The following IMMP2L variants were observed in gnomAD, a reference collection of about 807,000 sequenced individuals.
IMMP2L encodes the protein inner mitochondrial membrane peptidase subunit 2.
A neutral mutation model predicts 19.3 loss-of-function variants in IMMP2L; 18 were observed. The observed-to-expected ratio is 0.93, with a 90% CI of 0.64 to 1.38. IMMP2L has a LOEUF of 1.38. Among genes scored for constraint, IMMP2L ranks in the 40% most tolerant of loss-of-function variants. The pLI, the probability that IMMP2L is intolerant of heterozygous loss-of-function variation, is 0.00. For missense variants in IMMP2L, 233 were observed against 218.2 expected (o/e 1.07, Z -0.43); for synonymous variants, 76 against 73.0 (o/e 1.04, Z -0.21).
rs544152539 is a variant in IMMP2L, at chr7:111,281,506, T to A, written c.239+205732A>T. On this transcript the variant is annotated intron_variant, in intron 3 of 5. Transcript: ENST00000405709. ...TGAAGTCTATACTTTATATACTTCATAATTTAACCTTTATTTTATCCAACA... is the reference window on the plus strand; with the variant it reads ...TGAAGTCTATACTTTATATACTTCAAAATTTAACCTTTATTTTATCCAACA... Among the ~76,000 whole-genome samples, 256 of 152,266 alleles carry A rather than the reference T, an allele frequency of 1.7e-3. 1 individual carries two copies. Among genetic ancestry groups the A allele is most frequent in the Non-Finnish European group, 3.2e-3 (220 of 68,020 alleles).
chr7:111,209,724 A>G (rs1238189316), intron 3 of IMMP2L, among the ~76,000 whole-genome samples: 3 of 152,206 alleles, frequency 2.0e-5, no homozygotes, highest in African/African-American at 7.2e-5. Context: ...AACACAGAAC[A>G]GTATTTGAAC....
chr7:111,523,767 T>A (rs903885419), intron 1 of IMMP2L, among the ~76,000 whole-genome samples: 3 of 152,114 alleles, frequency 2.0e-5, no homozygotes, highest in African/African-American at 7.2e-5. Context: ...AGTTCACACA[T>A]CTGGTACTCA....
chr7:111,201,835 G>T (rs1391533264), intron 3 of IMMP2L, among the ~76,000 whole-genome samples: 1 of 152,096 alleles, frequency 6.6e-6, no homozygotes, highest in East Asian at 1.9e-4. Context: ...GAGCTTGTTT[G>T]CCCCTTCCAT....
chr7:111,437,762 T>C (rs1837327321), intron 3 of IMMP2L, among the ~76,000 whole-genome samples: 1 of 151,878 alleles, frequency 6.6e-6, no homozygotes, highest in African/African-American at 2.4e-5. Flanking sequence ...TGTAAACTCC[T>C]TAAGAAATTT....
At chr7:111,201,836 C>T (rs1810172109) in intron 3 of IMMP2L, among the ~76,000 whole-genome samples, 1 of 152,144 alleles carries the variant, frequency 6.6e-6, no homozygotes, top group Non-Finnish European at 1.5e-5. Flanking sequence ...AGCTTGTTTG[C>T]CCCTTCCATC....
chr7:111,116,059 C>T (rs74958820), intron 3 of IMMP2L, among the ~76,000 whole-genome samples: 2 of 152,138 alleles, frequency 1.3e-5, no homozygotes, highest in Admixed American at 6.5e-5. Flanking sequence ...ATAAAACATC[C>T]AAGATTCTCT....
chr7:110,927,026 C>T (rs1814929470), intron 4 of IMMP2L, among the ~76,000 whole-genome samples: 1 of 152,118 alleles, frequency 6.6e-6, no homozygotes, highest in Admixed American at 6.6e-5. Context: ...TGCACAGAAA[C>T]TGATACAAGT....
At chr7:111,416,782 C>T (rs989742702) in intron 3 of IMMP2L, among the ~76,000 whole-genome samples, 1 of 151,490 alleles carries the variant, frequency 6.6e-6, no homozygotes, top group African/African-American at 2.4e-5. Flanking sequence ...GCTCAGTAGG[C>T]AATACATGAA....
chr7:110,864,714 C>A (rs1807810338), intron 5 of IMMP2L, among the ~76,000 whole-genome samples: 2 of 151,988 alleles, frequency 1.3e-5, no homozygotes, highest in Admixed American at 1.3e-4. Flanking sequence ...CTGTGTATTG[C>A]CATATGCTAG....
At chr7:110,788,104 G>A (rs1201239990) in intron 5 of IMMP2L, among the ~76,000 whole-genome samples, 1 of 151,486 alleles carries the variant, frequency 6.6e-6, no homozygotes, top group East Asian at 1.9e-4. Flanking sequence ...AAGTCTTCCA[G>A]CCTAAAAAAA....
intron 3 of IMMP2L, among the ~76,000 whole-genome samples, chr7:111,235,386 G>A (rs1044354952): frequency 2.6e-5 from 4 of 151,712 alleles, no homozygotes; most frequent in Non-Finnish European, 5.9e-5. Context: ...CAGGAGAATC[G>A]CTTGAACTTG....
intron 5 of IMMP2L, among the ~76,000 whole-genome samples, chr7:110,774,710 G>A (rs1799260312): frequency 6.6e-6 from 1 of 151,922 alleles, no homozygotes; most frequent in Non-Finnish European, 1.5e-5. Context: ...ATGCTATACA[G>A]GTTTGTGGCC....
chr7:110,819,892 C>T (rs888663907), intron 5 of IMMP2L, among the ~76,000 whole-genome samples: 2 of 152,004 alleles, frequency 1.3e-5, no homozygotes, highest in Admixed American at 6.6e-5. Context: ...ACTGACTATA[C>T]CTTTTTTCTT....
chr7:110,876,057 A>C (rs1809033243), intron 5 of IMMP2L, among the ~76,000 whole-genome samples: 1 of 152,202 alleles, frequency 6.6e-6, no homozygotes, highest in Non-Finnish European at 1.5e-5. Context: ...TTATGAAAAT[A>C]TTTTTAATTA....
At chr7:111,038,347 G>A (rs981596126) in intron 3 of IMMP2L, among the ~76,000 whole-genome samples, 1 of 152,166 alleles carries the variant, frequency 6.6e-6, no homozygotes, top group Admixed American at 6.5e-5. Flanking sequence ...TAAGCCCACA[G>A]CACTGCCTAC....
chr7:111,375,145 TACTC>T (rs938527760), intron 3 of IMMP2L, among the ~76,000 whole-genome samples: 1 of 152,088 alleles, frequency 6.6e-6, no homozygotes, highest in African/African-American at 2.4e-5. Flanking sequence ...AGACTAAAAG[TACTC>T]ACACACTGAT....
chr7:111,137,325 G>T (rs571647317), intron 3 of IMMP2L, among the ~76,000 whole-genome samples: 2 of 152,142 alleles, frequency 1.3e-5, no homozygotes, highest in East Asian at 3.9e-4. Flanking sequence ...TATAAAAATG[G>T]TATTTTCCAT....
chr7:110,818,570 TCTAGA>T (rs1443594868), intron 5 of IMMP2L, among the ~76,000 whole-genome samples: 44 of 152,192 alleles, frequency 2.9e-4, no homozygotes, highest in African/African-American at 1.0e-3. Context: ...TCCTCAGGGA[TCTAGA>T]ACTAGAAATA....
chr7:110,911,964 A>G (rs1377171373), intron 4 of IMMP2L, among the ~76,000 whole-genome samples: 1 of 152,112 alleles, frequency 6.6e-6, no homozygotes, highest in Admixed American at 6.6e-5. Flanking sequence ...AGGAGTTCCT[A>G]GAGGAAGAAA....
Sources: allele counts gnomAD v4.1 joint callset (sites outside exome capture counted in the v4.1 genomes callset), GRCh38; gene constraint gnomAD v4.1.1; transcripts MANE v1.5; gene names NCBI Gene and HGNC (gene_info 2026-07-23, HGNC 2026-07-21).